ORC5: variants seen among roughly 807,000 people sequenced by gnomAD.
The protein encoded by ORC5 is origin recognition complex subunit 5, also known as protein phosphatase 1, regulatory subunit 117.
Under a neutral mutation model 58.8 loss-of-function variants are expected in ORC5, and 39 were observed. That is an observed-to-expected ratio of 0.66 (90% confidence interval 0.51 to 0.87). The LOEUF (loss-of-function observed/expected upper bound fraction) is 0.87, where lower values mean the gene tolerates loss of function less well. Ranked by LOEUF, ORC5 falls within the 40% of genes least tolerant of loss-of-function variation. The probability of loss-of-function intolerance (pLI) is 0.00; values close to 1 mark genes in which losing one functional copy is unlikely to be tolerated. For missense variants in ORC5, 493 were observed against 506.3 expected (o/e 0.97, Z 0.25); for synonymous variants, 218 against 177.6 (o/e 1.23, Z -1.81).
intron 8 of ORC5, among the ~76,000 whole-genome samples, chr7:104,174,583 C>T (rs1799282965): frequency 6.6e-6 from 1 of 152,156 alleles, no homozygotes; most frequent in African/African-American, 2.4e-5. Context: ...CCAGGAACAG[C>T]AGGCGACCCT....
intron 8 of ORC5, among the ~76,000 whole-genome samples, chr7:104,177,815 T>TG (rs1393162662): frequency 6.6e-6 from 1 of 152,160 alleles, no homozygotes; most frequent in Non-Finnish European, 1.5e-5. Flanking sequence ...AGTGAGAACA[T>TG]GCAGTGTTTG....
At chr7:104,140,248 T>C (rs142531625) in intron 12 of ORC5, among the ~76,000 whole-genome samples, 38 of 152,274 alleles carry the variant, frequency 2.5e-4, no homozygotes, top group African/African-American at 8.4e-4. Flanking sequence ...ATTAGGACCA[T>C]AGACTCCATT....
intron 12 of ORC5, among the ~76,000 whole-genome samples, chr7:104,156,916 G>A (rs1003277874): frequency 6.6e-6 from 1 of 151,806 alleles, no homozygotes; most frequent in African/African-American, 2.4e-5. Context: ...AGTATTAACA[G>A]GTAAAAGGTC....
At chr7:104,162,537 T>C (rs1799041965) in intron 11 of ORC5, among the ~76,000 whole-genome samples, 1 of 152,212 alleles carries the variant, frequency 6.6e-6, no homozygotes, top group Non-Finnish European at 1.5e-5. Flanking sequence ...TAACTATTTA[T>C]TTAAAACAAG....
intron 12 of ORC5, among the ~76,000 whole-genome samples, chr7:104,142,961 A>C (rs1245060304): frequency 6.6e-6 from 1 of 152,208 alleles, no homozygotes; most frequent in African/African-American, 2.4e-5. Context: ...GAAATCTATA[A>C]TGACAGTAGG....
intron 12 of ORC5, among the ~76,000 whole-genome samples, chr7:104,154,813 CTA>C (rs1211554881): frequency 6.6e-6 from 1 of 151,636 alleles, no homozygotes; most frequent in African/African-American, 2.4e-5. Context: ...AAACTGAAAA[CTA>C]TATAAATTTA....
chr7:104,160,239 A>G (rs1273491216), intron 12 of ORC5, among the ~76,000 whole-genome samples: 1 of 152,190 alleles, frequency 6.6e-6, no homozygotes, highest in Non-Finnish European at 1.5e-5. Flanking sequence ...ATTAAAAGTT[A>G]CCAGCACACA....
intron 13 of ORC5, 89 bp from the exon 14 acceptor site, chr7:104,126,982 CA>C: frequency 1.2e-6 from 1 of 848,932 alleles, no homozygotes; most frequent in East Asian, 2.7e-5. Context: ...CAAAATAATT[CA>C]TGACTAATGC....
At chr7:104,204,267 C>A (rs1800019887) in intron 1 of ORC5, 33 bp from the exon 2 acceptor site, 7 of 1,197,154 alleles carry the variant, frequency 5.8e-6, no homozygotes, top group Non-Finnish European at 6.1e-6. Flanking sequence ...TGAGGCTGCA[C>A]ATACAAAATA....
intron 12 of ORC5, among the ~76,000 whole-genome samples, chr7:104,154,995 T>C (rs962081025): frequency 6.6e-6 from 1 of 151,828 alleles, no homozygotes; most frequent in Non-Finnish European, 1.5e-5. Flanking sequence ...AACAACTAAA[T>C]TATCATTCTG....
At chr7:104,177,049 TTC>T (rs1469146477) in intron 8 of ORC5, among the ~76,000 whole-genome samples, 3 of 152,246 alleles carry the variant, frequency 2.0e-5, no homozygotes, top group Non-Finnish European at 4.4e-5. Context: ...AACTTTAAGA[TTC>T]TCACTTAGGT....
intron 3 of ORC5, among the ~76,000 whole-genome samples, chr7:104,200,225 T>C (rs1286912246): frequency 3.9e-5 from 6 of 152,314 alleles, no homozygotes; most frequent in African/African-American, 1.4e-4. Context: ...CTTTACTATC[T>C]CCTATCCACT....
intron 12 of ORC5, among the ~76,000 whole-genome samples, chr7:104,149,700 CAA>C (rs1798814712): frequency 6.6e-6 from 1 of 152,130 alleles, no homozygotes. Flanking sequence ...ATCCTGTTAT[CAA>C]AGAGAATAGT....
rs1798551285 is a variant in ORC5 at position 104,133,979 on chromosome 7, C to A, written c.1262+2802G>T. On this transcript the variant is annotated intron_variant, in intron 13 of 13. Transcript: ENST00000297431. The surrounding 1 kb of genome is among the most constrained non-coding windows in gnomAD (Gnocchi z 4.7). ...TCTACCTTAGGAAGAGGAACCCCATCCTGCTGAAAAAGGAAAGAAAGAGAA... is the reference window on the plus strand; with the variant it reads ...TCTACCTTAGGAAGAGGAACCCCATACTGCTGAAAAAGGAAAGAAAGAGAA... Among the ~76,000 whole-genome samples, 1 of 152,030 alleles carries A rather than the reference C, an allele frequency of 6.6e-6. No individual in the cohort carries two copies. The highest frequency in any genetic ancestry group is 1.5e-5 in the Non-Finnish European group (1 of 68,008).
At chr7:104,200,661 T>C (rs987427225) in intron 3 of ORC5, 97 bp downstream of exon 3, 3 of 745,906 alleles carry the variant, frequency 4.0e-6, no homozygotes, top group Non-Finnish European at 2.2e-6. Context: ...CACAGAGCAC[T>C]GTACATAATG....
intron 12 of ORC5, among the ~76,000 whole-genome samples, chr7:104,158,393 T>TA (rs1384179739): frequency 6.6e-6 from 1 of 152,078 alleles, no homozygotes; most frequent in Non-Finnish European, 1.5e-5. Context: ...ACCTAGGCAA[T>TA]ACCATTCAGG....
intron 12 of ORC5, among the ~76,000 whole-genome samples, chr7:104,152,626 C>T (rs1798864389): frequency 1.3e-5 from 2 of 152,144 alleles, no homozygotes; most frequent in Admixed American, 1.3e-4. Context: ...CTTAAACATG[C>T]ATTTGCAAGC....
intron 2 of ORC5, among the ~76,000 whole-genome samples, chr7:104,203,874 T>C (rs1424128945): frequency 6.6e-6 from 1 of 152,152 alleles, no homozygotes; most frequent in Non-Finnish European, 1.5e-5. Context: ...TAAAGGTAGA[T>C]GGAGACATGA....
chr7:104,179,878 T>C lies in ORC5; in HGVS notation c.824+4065A>G, dbSNP rs889875032. ...TGAGAAAGTACACCTTTAATCTTGA[T>C]TGAGGTGATAACTCTCTCTTTTAAC... On this transcript the variant is annotated intron_variant, in intron 8 of 13. Transcript: ENST00000297431. Among the ~76,000 whole-genome samples, 7 of 152,344 alleles carry C rather than the reference T, an allele frequency of 4.6e-5. No individual in the cohort carries two copies. The South Asian group carries it at 1.0e-3, about 23-fold the overall frequency.
Sources: allele counts gnomAD v4.1 joint callset (sites outside exome capture counted in the v4.1 genomes callset), GRCh38; gene constraint gnomAD v4.1.1; non-coding constraint Gnocchi (gnomAD v3.1); transcripts MANE v1.5; gene names NCBI Gene and HGNC (gene_info 2026-07-23, HGNC 2026-07-21).